The following PTAR1 variants were observed in gnomAD, a reference collection of about 807,000 sequenced individuals.
PTAR1 encodes the protein protein prenyltransferase alpha subunit repeat-containing protein 1.
In PTAR1, 17 loss-of-function variants were observed where a neutral mutation model predicts 45.5. The ratio of observed to expected loss-of-function variants is 0.37; its 90% CI spans 0.26 to 0.56. The LOEUF (loss-of-function observed/expected upper bound fraction) is 0.56. PTAR1 is among the 20% of genes least tolerant of loss of function. PTAR1 has a pLI of 0.77. For synonymous variants in PTAR1, 169 were observed against 171.3 expected, an observed-to-expected ratio of 0.99 and a Z score of 0.11; for missense variants, 391 against 476.3, an observed-to-expected ratio of 0.82 and a Z score of 1.67.
rs1824665246 is a variant in PTAR1 at position 69,714,839 on chromosome 9, G to A, written c.*3503C>T. On this transcript the variant is annotated 3_prime_UTR_variant, in exon 8 of 8. Coordinates refer to ENST00000340434, the MANE Select transcript of PTAR1 (RefSeq NM_001099666.2). Reference sequence around the variant, plus strand: ...TGCTAAAATCTACAGAAGACAAAGGGGACATTAATACATATCAAATCCCTA... The same window carrying A: ...TGCTAAAATCTACAGAAGACAAAGGAGACATTAATACATATCAAATCCCTA... 6.6e-6 allele frequency: 1 copy of A among 151,846 alleles called. No individual in the cohort carries two copies. Among genetic ancestry groups the A allele is most frequent in the African/African-American group, 2.4e-5 (1 of 41,364 alleles). The allele number at this position is 151,846 out of a possible 1,614,324, so 9.4% of individuals were successfully genotyped here. A position where few individuals can be genotyped will look rare whatever the true frequency, so the allele number is the denominator to read the frequency against.
Position 69,759,918 on chromosome 9 carries a change from C to G in PTAR1, c.21G>C (p.Glu7Asp). MAETSE[E>D]VAVLVQRVVK... ...CAACCCGCTGCACCAGCACCGCCAC[C>G]TCCTCGCTGGTCTCGGCCATGTTGG... Residue 7 changes from glutamate (E) to aspartate (D), a missense_variant, in exon 1 of 8, where the codon GAG becomes GAC. Physicochemically the swap from Glu to Asp is conservative, Grantham distance 45. Around this residue, in one of 5 missense-constraint regions of PTAR1, gnomAD observed 152 missense variants for 160.0 expected, o/e 0.95. Transcript: ENST00000340434. 1 of 1,521,066 alleles carries G rather than the reference C, an allele frequency of 6.6e-7. No homozygotes were observed. The highest frequency in any genetic ancestry group is 8.8e-7 in the Non-Finnish European group (1 of 1,134,788). 94.2% of individuals were successfully genotyped at this position (1,521,066 alleles called of 1,614,324 possible). A position where few individuals can be genotyped will look rare whatever the true frequency, so the allele number is the denominator to read the frequency against.
At chr9:69,754,477 A>C (rs577911055) in intron 1 of PTAR1, among the ~76,000 whole-genome samples, 2 of 151,164 alleles carry the variant, frequency 1.3e-5, no homozygotes, top group African/African-American at 4.9e-5. Flanking sequence ...AACAAAAAAA[A>C]CCCTAAAAGT....
intron 2 of PTAR1, among the ~76,000 whole-genome samples, chr9:69,749,777 G>A (rs940124209): frequency 2.6e-5 from 4 of 151,924 alleles, no homozygotes; most frequent in East Asian, 3.9e-4. Context: ...TACATCTCTC[G>A]CCCCCAAAGA....
At chr9:69,722,365 G>T (rs2134080777) in intron 6 of PTAR1, among the ~76,000 whole-genome samples, 1 of 152,274 alleles carries the variant, frequency 6.6e-6, no homozygotes, top group East Asian at 1.9e-4. Flanking sequence ...CTGGGAAGGG[G>T]TCACATATGT....
chr9:69,733,290 T>C (rs913872540), intron 4 of PTAR1, among the ~76,000 whole-genome samples: 1 of 152,178 alleles, frequency 6.6e-6, no homozygotes, highest in East Asian at 1.9e-4. Flanking sequence ...GAAGAAAATA[T>C]AACTGACTAT....
intron 6 of PTAR1, 39 bp downstream of exon 6, chr9:69,723,287 T>C (rs748132875): frequency 1.3e-6 from 2 of 1,549,058 alleles, no homozygotes; most frequent in Non-Finnish European, 8.9e-7. Flanking sequence ...CATGAAGACA[T>C]GCAGTTTTGT....
chr9:69,726,710 G>A (rs1367459266), intron 5 of PTAR1, among the ~76,000 whole-genome samples: 1 of 151,690 alleles, frequency 6.6e-6, no homozygotes, highest in East Asian at 1.9e-4. Flanking sequence ...CTTTTCTTGT[G>A]TGATTACTTT....
chr9:69,755,377 G>A (rs1035885976), intron 1 of PTAR1, among the ~76,000 whole-genome samples: 1 of 152,174 alleles, frequency 6.6e-6, no homozygotes, highest in Non-Finnish European at 1.5e-5. Flanking sequence ...CACAGTTCAT[G>A]TAACACTGAT....
At chr9:69,736,265 A>G (rs1437964644) in intron 3 of PTAR1, among the ~76,000 whole-genome samples, 1 of 152,216 alleles carries the variant, frequency 6.6e-6, no homozygotes, top group African/African-American at 2.4e-5. Context: ...AGCTCTTCAG[A>G]TGATGCCCAT....
At position 69,723,531 on chromosome 9, in the gene PTAR1, T is replaced by C; in HGVS notation, c.742A>G (p.Ile248Val). ...HYRQFLLKSLISQTVIDSSVM... is the reference protein window; with the variant it reads ...HYRQFLLKSLVSQTVIDSSVM... ...GAACTGTCTATCACAGTTTGGCTAATCAAAGACTTAAGCAAAAACTGGCGG... is the reference window on the plus strand; with the variant it reads ...GAACTGTCTATCACAGTTTGGCTAACCAAAGACTTAAGCAAAAACTGGCGG... Residue 248 changes from isoleucine (I) to valine (V), a missense_variant, in exon 6 of 8, where the codon ATT becomes GTT. Ile to Val is a conservative substitution (Grantham distance 29, BLOSUM62 3). Around this residue, in one of 5 missense-constraint regions of PTAR1, gnomAD observed 181 missense variants for 227.7 expected, o/e 0.80. Transcript: ENST00000340434. 6.2e-7 allele frequency: 1 copy of C among 1,613,864 alleles called. No individual in the cohort carries two copies. The highest frequency in any genetic ancestry group is 8.5e-7 in the Non-Finnish European group (1 of 1,179,800).
chr9:69,730,056 T>C (rs1304003544), intron 5 of PTAR1, among the ~76,000 whole-genome samples: 1 of 152,162 alleles, frequency 6.6e-6, no homozygotes, highest in Non-Finnish European at 1.5e-5. Flanking sequence ...TTACCTCCTG[T>C]AACAGACAAA....
intron 5 of PTAR1, among the ~76,000 whole-genome samples, chr9:69,728,603 T>C (rs1007570846): frequency 1.3e-5 from 2 of 152,206 alleles, no homozygotes; most frequent in Non-Finnish European, 2.9e-5. Context: ...CATGTCCTTA[T>C]TGGTGGTGTG....
At chr9:69,747,740 G>A (rs1826338110) in intron 2 of PTAR1, among the ~76,000 whole-genome samples, 1 of 152,120 alleles carries the variant, frequency 6.6e-6, no homozygotes, top group Non-Finnish European at 1.5e-5. Context: ...AGTGAAGACA[G>A]AAATCAGATT....
Position 69,759,839 on chromosome 9 carries a change from G to A in PTAR1, c.86+14C>T. On this transcript the variant is annotated intron_variant, in intron 1 of 7. Coordinates refer to ENST00000340434, the MANE Select transcript of PTAR1 (RefSeq NM_001099666.2). ...CCCGACGACCCTCGGAGGCGGCGGA[G>A]GCGCGCGACTCACATGTGTGGGTTC... 1.3e-6 allele frequency: 2 copies of A among 1,515,950 alleles called. No homozygotes were observed. Among genetic ancestry groups the A allele is most frequent in the Non-Finnish European group, 1.8e-6 (2 of 1,131,120 alleles). The allele number at this position is 1,515,950 out of a possible 1,614,324, so 93.9% of individuals were successfully genotyped here. A position where few individuals can be genotyped will look rare whatever the true frequency, so the allele number is the denominator to read the frequency against.
In PTAR1 at chr9:69,723,406, G is replaced by A. The variant is rs1056052708; in HGVS notation, c.867C>T (p.Pro289=). The part of the protein sequence containing the change: ...VSTEEPRINL[P]HLLEEEVEFS... ...ATTCAACTTCTTCTTCTAGAAGATG[G>A]GGAAGATTAATCCTTGGTTCTTCTG... The change falls in exon 6 of 8, where the codon CCC becomes CCT. Residue 289 remains proline (P), a synonymous_variant. Coordinates refer to ENST00000340434, the MANE Select transcript of PTAR1 (RefSeq NM_001099666.2). 2.5e-6 allele frequency: 4 copies of A among 1,613,514 alleles called. No individual in the cohort carries two copies. Among genetic ancestry groups the A allele is most frequent in the Non-Finnish European group, 3.4e-6 (4 of 1,179,476 alleles).
chr9:69,758,717 G>C (rs149385767), intron 1 of PTAR1: 2 of 401,500 alleles, frequency 5.0e-6, no homozygotes, highest in Non-Finnish European at 5.2e-6. Flanking sequence ...TGGAGGAAAA[G>C]AACACTTTGG....
chr9:69,758,084 T>C (rs1826872405), intron 1 of PTAR1: 1 of 152,178 alleles, frequency 6.6e-6, no homozygotes, highest in African/African-American at 2.4e-5. Flanking sequence ...GATATATTAA[T>C]GAGGTTTTAC....
At chr9:69,733,291 AACTG>A (rs1372278156) in intron 4 of PTAR1, among the ~76,000 whole-genome samples, 1 of 152,182 alleles carries the variant, frequency 6.6e-6, no homozygotes, top group East Asian at 1.9e-4. Flanking sequence ...AAGAAAATAT[AACTG>A]ACTATGTGGT....
chr9:69,729,628 A>G (rs139183139), intron 5 of PTAR1, among the ~76,000 whole-genome samples: 7 of 152,308 alleles, frequency 4.6e-5, no homozygotes, highest in African/African-American at 1.2e-4. Flanking sequence ...ACTCAGTGAG[A>G]TGGGAATTAT....
Sources: gnomAD v4.1 joint callset for allele counts (sites outside exome capture counted in the v4.1 genomes callset) on GRCh38, gnomAD v4.1.1 for gene constraint, gnomAD v4.1.1 regional missense constraint, MANE v1.5 for transcripts, NCBI Gene and HGNC (gene_info 2026-07-23, HGNC 2026-07-21) for gene names.